ZFHX3: variants seen among roughly 807,000 people sequenced by gnomAD.
ZFHX3 encodes zinc finger homeobox protein 3.
A neutral mutation model predicts 279.1 loss-of-function variants in ZFHX3; 42 were observed. That is an observed-to-expected ratio of 0.15 (90% confidence interval 0.12 to 0.19). ZFHX3 has a LOEUF of 0.19. Among genes scored for constraint, ZFHX3 ranks in the 10% least tolerant of loss-of-function variants. ZFHX3 has a pLI of 1.00. For synonymous variants in ZFHX3, 2,293 were observed against 1,957.8 expected (o/e 1.17, Z -4.52); for missense variants, 4,981 against 4,754.0 (o/e 1.05, Z -1.40).
At chr16:73,228,829 A>T (rs1430082547) in intron 5 of ZFHX3, among the ~76,000 whole-genome samples, 3 of 152,170 alleles carry the variant, frequency 2.0e-5, no homozygotes, top group African/African-American at 7.2e-5. Context: ...TGACAATGGA[A>T]TCTAGAAAAC....
chr16:72,948,626 C>A (rs1280019262), intron 3 of ZFHX3, among the ~76,000 whole-genome samples: 2 of 152,150 alleles, frequency 1.3e-5, no homozygotes, highest in African/African-American at 2.4e-5. Flanking sequence ...GAGGATGCAG[C>A]ATGAGAGTTA....
intron 2 of ZFHX3, among the ~76,000 whole-genome samples, chr16:73,502,849 C>T (rs371624773): frequency 5.3e-5 from 8 of 152,280 alleles, no homozygotes; most frequent in African/African-American, 1.9e-4. Flanking sequence ...TTCTCATTTC[C>T]CTGGGTATTA....
chr16:73,548,498 A>G (rs149116719), intron 2 of ZFHX3, among the ~76,000 whole-genome samples: 1 of 151,806 alleles, frequency 6.6e-6, no homozygotes, highest in Admixed American at 6.6e-5. Context: ...GTGCAATTAT[A>G]TAATAAATAT....
chr16:72,817,209 A>T (rs1051421999), intron 5 of ZFHX3, among the ~76,000 whole-genome samples: 1 of 152,214 alleles, frequency 6.6e-6, no homozygotes, highest in African/African-American at 2.4e-5. Context: ...ACTTCATCTG[A>T]TAAAACCATT....
At chr16:72,930,221 T>C (rs530387594) in intron 3 of ZFHX3, among the ~76,000 whole-genome samples, 60 of 151,150 alleles carry the variant, frequency 4.0e-4, no homozygotes, top group South Asian at 8.3e-4. Flanking sequence ...TCAGTCTCAA[T>C]AGATAAATAA....
chr16:73,823,736 A>G (rs1362100600), intron 1 of ZFHX3, among the ~76,000 whole-genome samples: 1 of 152,202 alleles, frequency 6.6e-6, no homozygotes. Flanking sequence ...CCTTTACACA[A>G]AAGTTTGCTG....
intron 3 of ZFHX3, among the ~76,000 whole-genome samples, chr16:73,342,875 G>T (rs551981772): frequency 1.3e-5 from 2 of 152,224 alleles, no homozygotes; most frequent in African/African-American, 4.8e-5. Context: ...TTTCAAATGA[G>T]CAACACAGTG....
rs774585182 is a variant in ZFHX3, at chr16:72,787,482, AG to A, written c.10793del (p.Pro3598LeufsTer96). ...AGGAGGGGGCGGCGGCCGACGGGGG[AG>A]GGGGGCTGTCGTTTGAGTGAGCGGC... ...QSAAHSNDSP[P>X]PPSAAAPSSA... On this transcript the variant is annotated frameshift_variant, in exon 10 of 10. Coordinates refer to ENST00000268489, the MANE Select transcript of ZFHX3 (RefSeq NM_006885.4). LOFTEE classifies it high-confidence loss of function. 2 of 1,139,016 alleles carry A rather than the reference AG, an allele frequency of 1.8e-6. No homozygotes were observed. Among genetic ancestry groups the A allele is most frequent in the Non-Finnish European group, 2.3e-6 (2 of 877,460 alleles). The allele number at this position is 1,139,016 out of a possible 1,614,324, so 70.6% of individuals were successfully genotyped here.
chr16:72,804,552 CAT>C (rs76190116), intron 7 of ZFHX3, among the ~76,000 whole-genome samples: 5,049 of 152,220 alleles, frequency 0.033, 140 homozygotes, highest in Non-Finnish European at 0.046. Flanking sequence ...TTCATAAATA[CAT>C]AGTTCCAAGC....
Position 72,813,503 on chromosome 16 carries a change from G to A in ZFHX3, c.3530-1465C>T, listed in dbSNP as rs149940680. On this transcript the variant is annotated intron_variant, in intron 5 of 9. Coordinates refer to ENST00000268489, the MANE Select transcript of ZFHX3 (RefSeq NM_006885.4). ...GCCAAATGCAGGAAATATATTCCAG[G>A]AAGTTGATGCTCTTCCCAGAGTGCA... Among the ~76,000 whole-genome samples, 723 of 152,232 alleles carry A rather than the reference G, an allele frequency of 4.7e-3. 1 individual carries two copies. The highest frequency in any genetic ancestry group is 0.01 in the Middle Eastern group (3 of 294).
chr16:72,803,793 A>G (rs542025410), intron 7 of ZFHX3, among the ~76,000 whole-genome samples: 1 of 152,226 alleles, frequency 6.6e-6, no homozygotes, highest in South Asian at 2.1e-4. Context: ...AAGTAATGAG[A>G]AGACAAAAGT....
intron 3 of ZFHX3, among the ~76,000 whole-genome samples, chr16:73,329,452 C>T (rs1395148844): frequency 6.6e-6 from 1 of 152,250 alleles, no homozygotes; most frequent in East Asian, 1.9e-4. Flanking sequence ...ATATTGAATT[C>T]ATGTCCAGAT....
chr16:73,438,241 A>G (rs2018028985), intron 3 of ZFHX3, among the ~76,000 whole-genome samples: 1 of 152,228 alleles, frequency 6.6e-6, no homozygotes, highest in Admixed American at 6.5e-5. Flanking sequence ...AAAGTACAGA[A>G]TAAGGCTTGA....
chr16:73,523,771 A>C (rs2019647006), intron 2 of ZFHX3, among the ~76,000 whole-genome samples: 1 of 151,962 alleles, frequency 6.6e-6, no homozygotes, highest in African/African-American at 2.4e-5. Context: ...TCCTGTTCTG[A>C]TGAAACTCTA....
At chr16:73,171,410 T>C (rs1219914163) in intron 5 of ZFHX3, among the ~76,000 whole-genome samples, 2 of 150,464 alleles carry the variant, frequency 1.3e-5, no homozygotes, top group Non-Finnish European at 1.5e-5. Context: ...TCTGTGTGAC[T>C]CTTGTGCCTT....
chr16:73,023,611 G>A (rs1412383324), intron 1 of ZFHX3, among the ~76,000 whole-genome samples: 2 of 152,240 alleles, frequency 1.3e-5, no homozygotes, highest in African/African-American at 2.4e-5. Context: ...CTAGGAGCCG[G>A]AAGACCCCTA....
chr16:73,522,606 C>T (rs950484680), intron 2 of ZFHX3, among the ~76,000 whole-genome samples: 3 of 152,096 alleles, frequency 2.0e-5, no homozygotes, highest in African/African-American at 4.8e-5. Flanking sequence ...AGCAGGAAAC[C>T]GGGCAGGAAA....
chr16:73,586,417 C>CAAAA (rs2051927132), intron 2 of ZFHX3, among the ~76,000 whole-genome samples: 1 of 142,584 alleles, frequency 7.0e-6, no homozygotes, highest in African/African-American at 2.8e-5. Flanking sequence ...AACAAACAAA[C>CAAAA]AAACAAACAA....
chr16:73,031,774 G>A (rs561240368), intron 1 of ZFHX3, among the ~76,000 whole-genome samples: 20 of 152,248 alleles, frequency 1.3e-4, no homozygotes, highest in South Asian at 4.1e-4. Context: ...AGGTCACCAC[G>A]GGCCCTCTGG....
Sources: allele counts gnomAD v4.1 joint callset (sites outside exome capture counted in the v4.1 genomes callset), GRCh38; gene constraint gnomAD v4.1.1; transcripts MANE v1.5; gene names NCBI Gene and HGNC (gene_info 2026-07-23, HGNC 2026-07-21).